COLGALT1: variants seen among roughly 807,000 people sequenced by gnomAD.
COLGALT1 encodes collagen beta(1-O)galactosyltransferase 1, also known as procollagen galactosyltransferase 1.
Under a neutral mutation model 60.8 loss-of-function variants are expected in COLGALT1, and 43 were observed. The ratio of observed to expected loss-of-function variants is 0.71; its 90% CI spans 0.55 to 0.91. The LOEUF is 0.91. COLGALT1 is among the 40% of genes least tolerant of loss of function. COLGALT1 has a pLI of 0.00. For missense variants in COLGALT1, 845 were observed against 880.0 expected, an observed-to-expected ratio of 0.96 and a Z score of 0.50; for synonymous variants, 369 against 374.2, an observed-to-expected ratio of 0.99 and a Z score of 0.16.
In COLGALT1 at chr19:17,567,480, C is replaced by A. The variant is rs762399539; in HGVS notation, c.564C>A (p.Val188=). The change falls in exon 4 of 12, where the codon GTC becomes GTA. Residue 188 remains valine (V), a synonymous_variant. Coordinates refer to ENST00000252599, the MANE Select transcript of COLGALT1 (RefSeq NM_024656.4). ...TCATCGCTGAGAACAAGACGGTGGTCGCCCCCATGCTGGATTCCCGGGCTG... is the reference window on the plus strand; with the variant it reads ...TCATCGCTGAGAACAAGACGGTGGTAGCCCCCATGCTGGATTCCCGGGCTG... ...SLLIAENKTV[V]APMLDSRAAY... is the part of the protein sequence containing the mutation. 1 of 1,614,060 alleles carries A rather than the reference C, an allele frequency of 6.2e-7. No individual in the cohort carries two copies. Among genetic ancestry groups the A allele is most frequent in the Non-Finnish European group, 8.5e-7 (1 of 1,179,970 alleles).
At chr19:17,556,133 C>T (rs2076209664) in intron 1 of COLGALT1, among the ~76,000 whole-genome samples, 160 bp downstream of exon 1, 1 of 151,936 alleles carries the variant, frequency 6.6e-6, no homozygotes, top group Non-Finnish European at 1.5e-5. Flanking sequence ...TCTACGCATG[C>T]CCCTGCCCGC....
chr19:17,567,371 C>T, intron 3 of COLGALT1, 35 bp from the exon 4 acceptor site: 1 of 1,610,426 alleles, frequency 6.2e-7, no homozygotes. Flanking sequence ...CCTGACCTGG[C>T]AGCCCATGCT....
At chr19:17,578,929 G>A (rs1242331870) in intron 9 of COLGALT1, among the ~76,000 whole-genome samples, 2 of 152,156 alleles carry the variant, frequency 1.3e-5, no homozygotes, top group Non-Finnish European at 2.9e-5. Context: ...AGAATCACTT[G>A]AACCCAGGAG....
intron 4 of COLGALT1, 114 bp from the exon 5 acceptor site, chr19:17,568,395 G>A (rs767918542): frequency 1.1e-4 from 95 of 895,160 alleles, no homozygotes; most frequent in South Asian, 3.3e-4. Context: ...GACCACAGGC[G>A]CACACTGCTG....
At position 17,579,544 on chromosome 19, in the gene COLGALT1, C is replaced by T. The variant is rs1205257142; in HGVS notation, c.1329C>T (p.Phe443=). 4 of 1,613,870 alleles carry T rather than the reference C, an allele frequency of 2.5e-6. No individual in the cohort carries two copies. The African/African-American group carries it at 5.3e-5, about 22-fold the overall frequency. The change falls in exon 10 of 12, where the codon TTC becomes TTT. Residue 443 remains phenylalanine, a synonymous_variant. Transcript: ENST00000252599. ...AGGATGACCTGCGTTTTGAGATCTT[C>T]TTCAAGAGACGTCTGATGAACCTCA... The part of the protein sequence containing the change: ...VFEDDLRFEI[F]FKRRLMNLMR...
chr19:17,558,476 G>A (rs1283308053), intron 1 of COLGALT1, among the ~76,000 whole-genome samples: 7 of 148,460 alleles, frequency 4.7e-5, no homozygotes, highest in Non-Finnish European at 7.5e-5. Flanking sequence ...TCAGGAGTTC[G>A]AGAGCAGCCT....
intron 11 of COLGALT1, 120 bp from the exon 12 acceptor site, chr19:17,581,057 A>G: frequency 7.2e-7 from 1 of 1,382,754 alleles, no homozygotes; most frequent in Non-Finnish European, 1.0e-6. Flanking sequence ...CTCCATTTGT[A>G]TCCCCTGCAC....
In COLGALT1 at chr19:17,577,462, C is replaced by A; in HGVS notation, c.1128C>A (p.Asp376Glu). ...EIECRLVEAV[D>E]GKAMNTSQVE... ...AGTGCCGGCTGGTGGAGGCCGTGGA[C>A]GGCAAGTGAGTCCGAGGCCTGGGGG... Residue 376 changes from aspartate to glutamate, a missense_variant, in exon 8 of 12, where the codon GAC becomes GAA. Transcript: ENST00000252599. The A allele has an allele frequency of 1.4e-6, 1 of 726,404 alleles. No individual in the cohort carries two copies. Among genetic ancestry groups the A allele is most frequent in the African/African-American group, 3.3e-5 (1 of 30,744 alleles). The allele number at this position is 726,404 out of a possible 1,614,324, so 45.0% of individuals were successfully genotyped here. A position where few individuals can be genotyped will look rare whatever the true frequency, so the allele number is the denominator to read the frequency against.
In COLGALT1 at chr19:17,580,779, A is replaced by G. The variant is rs1395237650; in HGVS notation, c.1475A>G (p.Tyr492Cys). 9 of 1,613,840 alleles carry G rather than the reference A, an allele frequency of 5.6e-6. No homozygotes were observed. Among genetic ancestry groups the G allele is most frequent in the Non-Finnish European group, 7.6e-6 (9 of 1,179,948 alleles). The change falls in exon 11 of 12, where the codon TAT (tyrosine) becomes TGT (cysteine). Residue 492 changes from tyrosine (Y) to cysteine (C), a missense_variant. Coordinates refer to ENST00000252599, the MANE Select transcript of COLGALT1 (RefSeq NM_024656.4). ...PRVRNLVEAD[Y>C]SYWTLAYVIS... is the part of the protein sequence containing the mutation. ...GTGAGGAACCTGGTGGAGGCCGACTATTCCTACTGGACCCTGGCCTACGTG... is the reference window on the plus strand; with the variant it reads ...GTGAGGAACCTGGTGGAGGCCGACTGTTCCTACTGGACCCTGGCCTACGTG...
chr19:17,559,030 G>A (rs577639503), intron 1 of COLGALT1, among the ~76,000 whole-genome samples: 171 of 152,054 alleles, frequency 1.1e-3, no homozygotes, highest in Non-Finnish European at 2.0e-3. Flanking sequence ...GTGTGGTGGC[G>A]GGCGCCTGTA....
chr19:17,570,458 C>T (rs2076306095), intron 5 of COLGALT1, among the ~76,000 whole-genome samples: 1 of 151,976 alleles, frequency 6.6e-6, no homozygotes, highest in Non-Finnish European at 1.5e-5. Flanking sequence ...GTTGCCCAGA[C>T]TAGACTTGAA....
intron 3 of COLGALT1, among the ~76,000 whole-genome samples, chr19:17,564,681 T>G (rs551715449): frequency 6.6e-6 from 1 of 152,230 alleles, no homozygotes; most frequent in African/African-American, 2.4e-5. Flanking sequence ...CCTCCCAAAG[T>G]GCTAGGATTG....
intron 5 of COLGALT1, 112 bp downstream of exon 5, chr19:17,568,825 C>A: frequency 9.6e-7 from 1 of 1,038,938 alleles, no homozygotes; most frequent in Non-Finnish European, 1.4e-6. Context: ...CAATGCAGCG[C>A]AGGGCTGACT....
intron 3 of COLGALT1, among the ~76,000 whole-genome samples, chr19:17,566,702 AGAGGATCACTT>A (rs1311531485): frequency 6.6e-6 from 1 of 152,084 alleles, no homozygotes; most frequent in Non-Finnish European, 1.5e-5. Context: ...GGCTGAGATG[AGAGGATCACTT>A]GAGCCCAGAA....
intron 5 of COLGALT1, among the ~76,000 whole-genome samples, 154 bp from the exon 6 acceptor site, chr19:17,572,329 A>G (rs1444881965): frequency 6.6e-6 from 1 of 150,812 alleles, no homozygotes. Context: ...TTGTTTGTAG[A>G]TATAAGGTCT....
chr19:17,574,375 G>A (rs1405932319), intron 6 of COLGALT1, among the ~76,000 whole-genome samples: 1 of 151,690 alleles, frequency 6.6e-6, no homozygotes, highest in East Asian at 1.9e-4. Context: ...TGTCACCCAG[G>A]CTGGAATGCA....
Position 17,581,534 on chromosome 19 carries a change from G to A in COLGALT1, c.*90G>A. ...ATCAGGTCCACCTCTGGACCCCTTG[G>A]CAGGCCACAGAGGGCTCTCGTGTGG... On this transcript the variant is annotated 3_prime_UTR_variant, in exon 12 of 12. Coordinates refer to ENST00000252599, the MANE Select transcript of COLGALT1 (RefSeq NM_024656.4). The A allele has an allele frequency of 6.7e-7, 1 of 1,482,244 alleles. No homozygotes were observed. The highest frequency in any genetic ancestry group is 9.0e-7 in the Non-Finnish European group (1 of 1,117,086). The allele number at this position is 1,482,244 out of a possible 1,614,324, so 91.8% of individuals were successfully genotyped here. A position where few individuals can be genotyped will look rare whatever the true frequency, so the allele number is the denominator to read the frequency against.
Position 17,577,984 on chromosome 19 carries a change from G to A in COLGALT1, c.1161G>A (p.Ala387=), listed in dbSNP as rs13346446. ...GKAMNTSQVE[A]LGIQMLPGYR... ...CCATGAACACCAGCCAGGTGGAGGC[G>A]CTGGGGATCCAGATGCTGCCTGGCT... Residue 387 remains alanine (A), a synonymous_variant, in exon 9 of 12, where the codon GCG becomes GCA. Transcript: ENST00000252599. 0.011 allele frequency: 18,469 copies of A among 1,611,344 alleles called. 1,288 individuals are homozygous for A. In the African/African-American group the frequency reaches 0.18, roughly 16 times the overall value.
chr19:17,579,651 GCAAGGCCAGGACTTAGAGGT>G, intron 10 of COLGALT1, 42 bp downstream of exon 10: 1 of 1,330,228 alleles, frequency 7.5e-7, no homozygotes, highest in Non-Finnish European at 1.0e-6. Context: ...GGGGCCTGGG[GCAAGGCCAGGACTTAGAGGT>G]GGGGGTGGGG....
Sources: allele counts gnomAD v4.1 joint callset (sites outside exome capture counted in the v4.1 genomes callset), GRCh38; gene constraint gnomAD v4.1.1; transcripts MANE v1.5; gene names NCBI Gene and HGNC (gene_info 2026-07-23, HGNC 2026-07-21).